Variants in HMGB1 observed in about 807,000 individuals in gnomAD.
The protein encoded by HMGB1 is high mobility group box 1, also known as high mobility group protein B1.
For synonymous variants in HMGB1, 81 were observed against 84.0 expected, an observed-to-expected ratio of 0.96 and a Z score of 0.19; for missense variants, 79 against 253.5, an observed-to-expected ratio of 0.31 and a Z score of 4.67.
At chr13:30,512,519 G>A (rs117909857) in intron 1 of HMGB1, among the ~76,000 whole-genome samples, 157 of 152,342 alleles carry the variant, frequency 1.0e-3, no homozygotes, top group Middle Eastern at 6.8e-3. Flanking sequence ...CAGCAATCCT[G>A]GAGCAGCTTG....
chr13:30,578,427 T>C (rs1159054389), intron 1 of HMGB1, among the ~76,000 whole-genome samples: 2 of 137,694 alleles, frequency 1.5e-5, no homozygotes, highest in African/African-American at 5.7e-5. Flanking sequence ...TGCTATATGG[T>C]AAATGTCAGT....
chr13:30,474,935 C>CTTTTTTTTTTTTTTTTTT (rs1195259479), intron 1 of HMGB1, among the ~76,000 whole-genome samples: 1 of 91,234 alleles, frequency 1.1e-5, no homozygotes, highest in Non-Finnish European at 2.2e-5. Flanking sequence ...CTCTCTTTCT[C>CTTTTTTTTTTTTTTTTTT]TTTTTTTTTT....
intron 1 of HMGB1, among the ~76,000 whole-genome samples, chr13:30,613,592 A>G (rs970911889): frequency 3.3e-5 from 5 of 152,158 alleles, no homozygotes; most frequent in African/African-American, 9.7e-5. Context: ...GTTTAGGACA[A>G]AGTCTCTACA....
intron 1 of HMGB1, among the ~76,000 whole-genome samples, chr13:30,587,381 T>C (rs968402398): frequency 1.3e-5 from 2 of 152,192 alleles, no homozygotes; most frequent in African/African-American, 2.4e-5. Context: ...CAGTGGCTAT[T>C]TGCAGGCATG....
intron 1 of HMGB1, among the ~76,000 whole-genome samples, chr13:30,536,412 C>T (rs755704317): frequency 6.6e-6 from 1 of 151,964 alleles, no homozygotes; most frequent in Non-Finnish European, 1.5e-5. Flanking sequence ...TGCAGTGGTG[C>T]GATCTCGGCT....
intron 1 of HMGB1, among the ~76,000 whole-genome samples, chr13:30,520,309 G>A (rs2137473718): frequency 6.6e-6 from 1 of 152,038 alleles, no homozygotes; most frequent in East Asian, 1.9e-4. Context: ...GCAACAGGGT[G>A]AGACTCCGTC....
chr13:30,606,984 A>G (rs905222832), intron 1 of HMGB1, among the ~76,000 whole-genome samples: 5 of 152,076 alleles, frequency 3.3e-5, no homozygotes, highest in African/African-American at 1.2e-4. Context: ...TAAGAAATAA[A>G]TTATAATCAT....
chr13:30,546,094 C>T (rs1869144620), intron 1 of HMGB1, among the ~76,000 whole-genome samples: 1 of 152,132 alleles, frequency 6.6e-6, no homozygotes, highest in Non-Finnish European at 1.5e-5. Flanking sequence ...TTCTATGGCA[C>T]ACTGCTGGAG....
At chr13:30,483,024 C>A (rs1461618706) in intron 1 of HMGB1, among the ~76,000 whole-genome samples, 3 of 151,710 alleles carry the variant, frequency 2.0e-5, no homozygotes, top group Non-Finnish European at 1.5e-5. Flanking sequence ...GAACTTCTGG[C>A]CTTAAGCAAT....
intron 1 of HMGB1, among the ~76,000 whole-genome samples, chr13:30,560,017 A>G (rs1869879798): frequency 6.6e-6 from 1 of 152,120 alleles, no homozygotes; most frequent in Admixed American, 6.5e-5. Context: ...AGCATTTACC[A>G]GAATGTGTGT....
At chr13:30,466,281 A>T (rs906383094), upstream of HMGB1, among the ~76,000 whole-genome samples, 2 of 132,434 alleles carry the variant, frequency 1.5e-5, no homozygotes, top group African/African-American at 5.8e-5. Flanking sequence ...CAGGCAAAAG[A>T]GACACCCACA....
intron 1 of HMGB1, among the ~76,000 whole-genome samples, chr13:30,544,679 C>T (rs1869063444): frequency 1.3e-5 from 2 of 152,188 alleles, no homozygotes; most frequent in Non-Finnish European, 2.9e-5. Context: ...TCCTCTGTAT[C>T]CACTATAATA....
At chr13:30,485,382 TAACATAGGAAGGC>T (rs1887342375) in intron 1 of HMGB1, among the ~76,000 whole-genome samples, 1 of 152,144 alleles carries the variant, frequency 6.6e-6, no homozygotes. Context: ...CTCCCACTTA[TAACATAGGAAGGC>T]AACTTGGGAG....
At chr13:30,503,767 T>TGCA (rs1887791573) in intron 1 of HMGB1, among the ~76,000 whole-genome samples, 2 of 151,478 alleles carry the variant, frequency 1.3e-5, no homozygotes, top group African/African-American at 4.9e-5. Context: ...ATAAAGGTAT[T>TGCA]GCAGGGCTGG....
chr13:30,602,961 G>A (rs79361014), intron 1 of HMGB1, among the ~76,000 whole-genome samples: 2,843 of 152,180 alleles, frequency 0.019, 92 homozygotes, highest in African/African-American at 0.065. Context: ...ATGCCACCAC[G>A]TCCAGCTTAA....
At chr13:30,552,560 CT>C (rs1413289149) in intron 1 of HMGB1, among the ~76,000 whole-genome samples, 1 of 152,158 alleles carries the variant, frequency 6.6e-6, no homozygotes. Flanking sequence ...CTTTTACTAC[CT>C]TTTTGTATAC....
At chr13:30,498,626 A>AATTATTATTATTATT (rs71192659) in intron 1 of HMGB1, among the ~76,000 whole-genome samples, 47 of 143,966 alleles carry the variant, frequency 3.3e-4, no homozygotes, top group African/African-American at 4.6e-4. Flanking sequence ...GGAATCAGCA[A>AATTATTATTATTATT]ATTATTATTA....
At chr13:30,543,117 G>GTTTT (rs141061407) in intron 1 of HMGB1, 4 of 84,240 alleles carry the variant, frequency 4.7e-5, no homozygotes, top group African/African-American at 1.8e-4. Flanking sequence ...CCTGTTCCAG[G>GTTTT]TTTTTTTTTT....
At chr13:30,582,498 C>T (rs1870945500) in intron 1 of HMGB1, among the ~76,000 whole-genome samples, 1 of 151,926 alleles carries the variant, frequency 6.6e-6, no homozygotes, top group Admixed American at 6.6e-5. Context: ...ATTAACCGGG[C>T]GTGGTGGCGG....
Sources: allele counts gnomAD v4.1 joint callset (sites outside exome capture counted in the v4.1 genomes callset), GRCh38; gene constraint gnomAD v4.1.1; transcripts MANE v1.5; gene names NCBI Gene and HGNC (gene_info 2026-07-23, HGNC 2026-07-21).